FBXO34: variants seen among roughly 807,000 people sequenced by gnomAD.
FBXO34 encodes F-box protein 34, also known as F-box only protein 34.
Under a neutral mutation model 24.5 loss-of-function variants are expected in FBXO34, and 12 were observed. The observed-to-expected ratio is 0.49, with a 90% CI of 0.31 to 0.79. The LOEUF (loss-of-function observed/expected upper bound fraction) is 0.79. Among genes scored for constraint, FBXO34 ranks in the 30% least tolerant of loss-of-function variants. The pLI is 0.04. For synonymous variants in FBXO34, 320 were observed against 311.9 expected (o/e 1.03, Z -0.27); for missense variants, 823 against 857.7 (o/e 0.96, Z 0.51).
the FBXO34 span, chr14:55,395,061 TC>T: frequency 2.0e-6 from 1 of 501,556 alleles, no homozygotes; most frequent in South Asian, 1.5e-5. Flanking sequence ...CCCCCTTTGC[TC>T]CCCTTTTCCC....
downstream of FBXO34, chr14:55,368,700 G>A (rs1884741153): frequency 6.6e-6 from 1 of 152,210 alleles, no homozygotes; most frequent in Non-Finnish European, 1.5e-5. Flanking sequence ...TAGAAAGAAA[G>A]TGGACACCAC....
the FBXO34 span, among the ~76,000 whole-genome samples, chr14:55,410,356 A>C: frequency 6.6e-6 from 1 of 152,202 alleles, no homozygotes. Context: ...ACAGACAAGA[A>C]GGTCCAGAAC....
At chr14:55,373,214 C>G (rs941114465), downstream of FBXO34, among the ~76,000 whole-genome samples, 6 of 152,154 alleles carry the variant, frequency 3.9e-5, no homozygotes, top group African/African-American at 1.2e-4. Context: ...TAATGGATAT[C>G]TTTTTATTCA....
At chr14:55,290,648 T>C (rs1391100692) in intron 1 of FBXO34, among the ~76,000 whole-genome samples, 1 of 152,164 alleles carries the variant, frequency 6.6e-6, no homozygotes, top group Non-Finnish European at 1.5e-5. Flanking sequence ...TATGTTACCC[T>C]TTTAAAGGAA....
rs1282518444 is a variant in FBXO34, at chr14:55,298,769, G to A, written c.-11+27232G>A. 9.5e-6 allele frequency: 15 copies of A among 1,580,860 alleles called. No individual in the cohort carries two copies. The Admixed American group carries it at 2.4e-4, about 25-fold the overall frequency. ...AGGAGTTCCTGGAGAAGAAAATCGA[G>A]CAGAGGCACGGCACCAAAAACAAGC... On this transcript the variant is annotated intron_variant, in intron 1 of 1. Transcript: ENST00000313833.
At chr14:55,319,670 T>A (rs1419621856) in intron 1 of FBXO34, among the ~76,000 whole-genome samples, 2 of 152,222 alleles carry the variant, frequency 1.3e-5, no homozygotes, top group East Asian at 1.9e-4. Flanking sequence ...GTGAAAGGAT[T>A]TATTTTTCCT....
chr14:55,338,045 C>CTTTTTTT (rs1480397645), intron 1 of FBXO34, among the ~76,000 whole-genome samples: 1 of 82,934 alleles, frequency 1.2e-5, no homozygotes, highest in African/African-American at 6.2e-5. Flanking sequence ...AGAGTATGTA[C>CTTTTTTT]TTCTTTTTTT....
At chr14:55,381,376 T>C in the FBXO34 span, among the ~76,000 whole-genome samples, 4 of 152,328 alleles carry the variant, frequency 2.6e-5, no homozygotes, top group South Asian at 8.3e-4. Context: ...CTAAAACACA[T>C]TACAAAGTTA....
At chr14:55,341,834 A>T (rs1423914851) in intron 1 of FBXO34, among the ~76,000 whole-genome samples, 1 of 152,210 alleles carries the variant, frequency 6.6e-6, no homozygotes, top group Non-Finnish European at 1.5e-5. Context: ...TAACTTAAAC[A>T]TCATTAAGTT....
intron 1 of FBXO34, among the ~76,000 whole-genome samples, chr14:55,333,036 T>A (rs1418676145): frequency 6.6e-6 from 1 of 152,168 alleles, no homozygotes; most frequent in African/African-American, 2.4e-5. Context: ...GGTGCTGTTA[T>A]GTTTAGGGAA....
At chr14:55,292,566 T>A (rs1405413273) in intron 1 of FBXO34, among the ~76,000 whole-genome samples, 1 of 152,156 alleles carries the variant, frequency 6.6e-6, no homozygotes, top group African/African-American at 2.4e-5. Flanking sequence ...TTTCACCATG[T>A]TGCACAGGCT....
chr14:55,395,102 T>C, the FBXO34 span: 1 of 500,490 alleles, frequency 2.0e-6, no homozygotes, highest in Non-Finnish European at 4.0e-6. Context: ...TCTGAAGATT[T>C]ATCCTTTCCT....
At chr14:55,359,464 A>G (rs905492799) in intron 3 of FBXO34, among the ~76,000 whole-genome samples, 2 of 152,218 alleles carry the variant, frequency 1.3e-5, no homozygotes, top group Non-Finnish European at 2.9e-5. Context: ...GTACAATAGC[A>G]TTATGTCTAA....
the FBXO34 span, among the ~76,000 whole-genome samples, chr14:55,420,106 T>C: frequency 1.3e-5 from 2 of 152,356 alleles, no homozygotes; most frequent in Admixed American, 1.3e-4. Flanking sequence ...ACTCTTGCTC[T>C]GTTACCCAGG....
intron 1 of FBXO34, among the ~76,000 whole-genome samples, chr14:55,304,069 C>T (rs994376398): frequency 1.3e-5 from 2 of 152,176 alleles, no homozygotes; most frequent in South Asian, 2.1e-4. Flanking sequence ...GTTACAGTGA[C>T]ATGTGTGCGG....
Position 55,352,134 on chromosome 14 carries a change from A to C in FBXO34, c.1744A>C (p.Ile582Leu). Residue 582 changes from isoleucine to leucine, a missense_variant, in exon 2 of 2, where the codon ATT (isoleucine) becomes CTT (leucine). Physicochemically the swap from Ile to Leu is conservative, Grantham distance 5. This residue lies in a region of FBXO34 where 130 missense variants were observed against 198.6 expected (regional missense o/e 0.65). Transcript: ENST00000313833. The stretch of plus-strand genomic sequence containing the variant: ...GTACATGGCTTTTCTGCCCCACCAC[A>C]TTATGGTAAAAATCTTCAGGTTACT... ...QQYMAFLPHHIMVKIFRLLPT... is the reference protein window; with the variant it reads ...QQYMAFLPHHLMVKIFRLLPT... 1 of 1,614,156 alleles carries C rather than the reference A, an allele frequency of 6.2e-7. No individual in the cohort carries two copies.
intron 1 of FBXO34, among the ~76,000 whole-genome samples, chr14:55,334,503 G>C (rs1883707081): frequency 7.4e-6 from 1 of 135,414 alleles, no homozygotes; most frequent in African/African-American, 2.7e-5. Context: ...ACGGAGGCAT[G>C]TAGTTAGTAG....
At chr14:55,287,081 A>G (rs1881788471) in intron 1 of FBXO34, among the ~76,000 whole-genome samples, 1 of 151,152 alleles carries the variant, frequency 6.6e-6, no homozygotes, top group Non-Finnish European at 1.5e-5. Context: ...TAGTTTTTGT[A>G]TTTTAGTAGA....
At chr14:55,293,065 T>G (rs546288038) in intron 1 of FBXO34, among the ~76,000 whole-genome samples, 1 of 152,078 alleles carries the variant, frequency 6.6e-6, no homozygotes, top group African/African-American at 2.4e-5. Context: ...GTATTGGTAG[T>G]AGAGACGGGG....
Sources: gnomAD v4.1 joint callset for allele counts (sites outside exome capture counted in the v4.1 genomes callset) on GRCh38, gnomAD v4.1.1 for gene constraint, gnomAD v4.1.1 regional missense constraint, MANE v1.5 for transcripts, NCBI Gene and HGNC (gene_info 2026-07-23, HGNC 2026-07-21) for gene names.